Variants in RBM5 observed in about 807,000 individuals in gnomAD.
RBM5 encodes RNA-binding protein 5.
A neutral mutation model predicts 124.6 loss-of-function variants in RBM5; 15 were observed. That is an observed-to-expected ratio of 0.12 (90% CI 0.08 to 0.19). The LOEUF is 0.19. Ranked by LOEUF, RBM5 falls within the 10% of genes least tolerant of loss-of-function variation. RBM5 has a pLI of 1.00. For missense variants in RBM5, 580 were observed against 1,026.5 expected (o/e 0.57, Z 5.94); for synonymous variants, 337 against 361.2 (o/e 0.93, Z 0.76).
chr3:50,103,324 G>A (rs913882388), intron 7 of RBM5, among the ~76,000 whole-genome samples, 158 bp downstream of exon 7: 4 of 152,312 alleles, frequency 2.6e-5, no homozygotes, highest in Non-Finnish European at 4.4e-5. Flanking sequence ...ACTGGTATTA[G>A]ATGATAGAAC....
At chr3:50,115,794 T>C (rs926994762) in intron 21 of RBM5, 112 bp from the exon 22 acceptor site, 5 of 1,219,218 alleles carry the variant, frequency 4.1e-6, no homozygotes, top group Non-Finnish European at 6.0e-6. Flanking sequence ...TTTATGTGAT[T>C]GTGTATTGTT....
In RBM5 at chr3:50,105,068, C is replaced by A; in HGVS notation, c.629-9C>A. ...TGTTTGTCTCTAATTGGATCACTTT[C>A]CCTTCTAGACTCTGAACAGGAAGTG... On this transcript the variant is annotated splice_polypyrimidine_tract_variant and intron_variant, in intron 8 of 24. Coordinates refer to ENST00000347869, the MANE Select transcript of RBM5 (RefSeq NM_005778.4). 3 of 1,554,746 alleles carry A rather than the reference C, an allele frequency of 1.9e-6. 1 individual carries two copies. In the East Asian group the frequency reaches 6.8e-5, roughly 35 times the overall value.
Position 50,092,031 on chromosome 3 carries a change from T to A in RBM5, c.18-12T>A. On this transcript the variant is annotated splice_polypyrimidine_tract_variant and intron_variant, in intron 2 of 24. Transcript: ENST00000347869. ...TGACTGACTTTAGAATGAAAATTAT[T>A]TTCCCTGGCAGAGTGAGTAGAACAG... 6.2e-7 allele frequency: 1 copy of A among 1,613,622 alleles called. No homozygotes were observed. The highest frequency in any genetic ancestry group is 8.5e-7 in the Non-Finnish European group (1 of 1,179,560).
Position 50,093,750 on chromosome 3 carries a change from T to G in RBM5, c.214T>G (p.Ser72Ala). The change falls in exon 4 of 25, where the codon TCC (serine) becomes GCC (alanine). Residue 72 changes from serine (S) to alanine (A), a missense_variant. Physicochemically the swap from Ser to Ala is moderately conservative, Grantham distance 99. This residue lies in a region of RBM5 where 99 missense variants were observed against 121.1 expected (regional missense o/e 0.82). Coordinates refer to ENST00000347869, the MANE Select transcript of RBM5 (RefSeq NM_005778.4). ...RERERRNSDR[S>A]EDGYHSDGDY... ...GCGTGAAAGAAGGAACAGTGACCGATCCGAAGATGGCTACCATTCAGATGG... is the reference window on the plus strand; with the variant it reads ...GCGTGAAAGAAGGAACAGTGACCGAGCCGAAGATGGCTACCATTCAGATGG... 6.2e-7 allele frequency: 1 copy of G among 1,613,840 alleles called. No homozygotes were observed. The highest frequency in any genetic ancestry group is 8.5e-7 in the Non-Finnish European group (1 of 1,179,814).
intron 15 of RBM5, 38 bp from the exon 16 acceptor site, chr3:50,110,341 T>A (rs1463749686): frequency 6.3e-7 from 1 of 1,579,402 alleles, no homozygotes; most frequent in South Asian, 1.1e-5. Flanking sequence ...TAAAAGGCTT[T>A]ACAGTTGAAA....
At chr3:50,116,157 C>T (rs2091248582) in intron 22 of RBM5, 177 bp downstream of exon 22, 1 of 602,550 alleles carries the variant, frequency 1.7e-6, no homozygotes, top group African/African-American at 1.9e-5. Flanking sequence ...TTGTGAGCCT[C>T]ACATTGTCCC....
At chr3:50,090,112 G>T (rs556837861) in intron 1 of RBM5, 1 of 250,294 alleles carries the variant, frequency 4.0e-6, no homozygotes, top group South Asian at 4.4e-5. Context: ...CAGGGAAGGA[G>T]TCTTCTGCTT....
intron 2 of RBM5, 115 bp downstream of exon 2, chr3:50,090,566 G>T (rs1707027117): frequency 2.5e-6 from 3 of 1,199,642 alleles, no homozygotes; most frequent in Non-Finnish European, 3.6e-6. Flanking sequence ...CATTGCTAAC[G>T]AACACCTTTA....
At chr3:50,093,973 A>G (rs1418855971) in intron 4 of RBM5, 98 bp downstream of exon 4, 3 of 1,392,412 alleles carry the variant, frequency 2.2e-6, no homozygotes, top group African/African-American at 1.4e-5. Flanking sequence ...TCTTAAGCCA[A>G]TAGAGGTTGA....
chr3:50,104,367 G>A, intron 8 of RBM5, 59 bp downstream of exon 8: 10 of 1,527,390 alleles, frequency 6.5e-6, no homozygotes, highest in Non-Finnish European at 9.1e-6. Context: ...GGGGCAGGGA[G>A]CAGTGGCTCA....
At chr3:50,091,426 A>G (rs1363916245) in intron 2 of RBM5, among the ~76,000 whole-genome samples, 1 of 152,226 alleles carries the variant, frequency 6.6e-6, no homozygotes, top group African/African-American at 2.4e-5. Context: ...AGGTTTTCCC[A>G]TGAAGCCCAG....
At chr3:50,112,397 C>A (rs1379642613) in intron 17 of RBM5, among the ~76,000 whole-genome samples, 1 of 124,060 alleles carries the variant, frequency 8.1e-6, no homozygotes, top group Non-Finnish European at 1.6e-5. Context: ...GCCTGGGTGA[C>A]GGAGCGAGAC....
chr3:50,092,850 G>A (rs1454653784), intron 3 of RBM5: 4 of 338,642 alleles, frequency 1.2e-5, no homozygotes, highest in Admixed American at 6.3e-5. Flanking sequence ...GGAGTTAGAG[G>A]CCAGCCTGGG....
rs547438769 is a variant in RBM5 at position 50,100,684 on chromosome 3, G to C, written c.483+79G>C. ...ATTTTAAAAAAAGGTTGAAGGAGTG[G>C]TTTGTTCCAAAGGAGTGACTTTTTT... On this transcript the variant is annotated intron_variant, in intron 6 of 24. Transcript: ENST00000347869. The surrounding 1 kb of genome is among the most constrained non-coding windows in gnomAD (Gnocchi z 5.1). 741 of 1,219,716 alleles carry C rather than the reference G, an allele frequency of 6.1e-4. 1 individual carries two copies. Among genetic ancestry groups the C allele is most frequent in the Non-Finnish European group, 7.9e-4 (675 of 855,528 alleles). The allele number at this position is 1,219,716 out of a possible 1,614,324, so 75.6% of individuals were successfully genotyped here.
At chr3:50,116,797 G>A in intron 22 of RBM5, 3 of 423,964 alleles carry the variant, frequency 7.1e-6, no homozygotes, top group Non-Finnish European at 1.3e-5. Context: ...CAGTGGGCTG[G>A]TTGAGTAGCT....
intron 1 of RBM5, chr3:50,090,086 A>T: frequency 3.3e-5 from 7 of 212,540 alleles, no homozygotes; most frequent in Non-Finnish European, 4.8e-5. Context: ...TTTGCTTTGT[A>T]ATTCTAAGGT....
At position 50,108,051 on chromosome 3, in the gene RBM5, T is replaced by C. The variant is rs1482668655; in HGVS notation, c.1042-19T>C. The C allele has an allele frequency of 6.3e-7, 1 of 1,582,920 alleles. No homozygotes were observed. The highest frequency in any genetic ancestry group is 1.3e-5 in the African/African-American group (1 of 74,156). ...AATGCCTACTAAGTTTGTCTTTGTCTCATTTTGATGTTTTGTAGTCTCAAA... is the reference window on the plus strand; with the variant it reads ...AATGCCTACTAAGTTTGTCTTTGTCCCATTTTGATGTTTTGTAGTCTCAAA... On this transcript the variant is annotated intron_variant, in intron 12 of 24. Coordinates refer to ENST00000347869, the MANE Select transcript of RBM5 (RefSeq NM_005778.4).
chr3:50,092,279 C>G, intron 3 of RBM5, 71 bp downstream of exon 3: 2 of 1,499,494 alleles, frequency 1.3e-6, no homozygotes, highest in Non-Finnish European at 1.8e-6. Flanking sequence ...AACAGCCAGG[C>G]AGCCAGGTCC....
At position 50,105,634 on chromosome 3, in the gene RBM5, T is replaced by A; in HGVS notation, c.780T>A (p.Asn260Lys). 1 of 1,614,196 alleles carries A rather than the reference T, an allele frequency of 6.2e-7. No individual in the cohort carries two copies. ...ALSPYASLAV[N>K]NIRLIKDKQT... ...CTCCTTACGCGTCTTTAGCTGTCAA[T>A]AACATCCGCCTCATAAAAGACAAAC... The change falls in exon 10 of 25, where the codon AAT becomes AAA. Residue 260 changes from asparagine (N) to lysine (K), a missense_variant. This residue lies in a region of RBM5 where 101 missense variants were observed against 223.2 expected (regional missense o/e 0.45). Transcript: ENST00000347869.
Sources: gnomAD v4.1 joint callset for allele counts (sites outside exome capture counted in the v4.1 genomes callset) on GRCh38, gnomAD v4.1.1 for gene constraint, gnomAD v4.1.1 regional missense constraint, Gnocchi (gnomAD v3.1) non-coding constraint, MANE v1.5 for transcripts, NCBI Gene and HGNC (gene_info 2026-07-23, HGNC 2026-07-21) for gene names.